Variants in EBF1 observed in about 807,000 individuals in gnomAD.
EBF1 encodes the protein transcription factor COE1.
EBF1 carries 10 observed loss-of-function variants against 68.4 expected under a neutral mutation model. The ratio of observed to expected loss-of-function variants is 0.15; its 90% confidence interval spans 0.09 to 0.25. EBF1 has a LOEUF of 0.25. Among genes scored for constraint, EBF1 ranks in the 10% least tolerant of loss-of-function variants. The pLI is 1.00. For synonymous variants in EBF1, 298 were observed against 299.8 expected, an observed-to-expected ratio of 0.99 and a Z score of 0.06; for missense variants, 509 against 794.4, an observed-to-expected ratio of 0.64 and a Z score of 4.32.
chr5:158,712,347 G>C lies in EBF1; in HGVS notation c.1370-14C>G. The C allele has an allele frequency of 6.2e-7, 1 of 1,612,232 alleles. No individual in the cohort carries two copies. Among genetic ancestry groups the C allele is most frequent in the Non-Finnish European group, 8.5e-7 (1 of 1,178,924 alleles). On this transcript the variant is annotated splice_polypyrimidine_tract_variant and intron_variant, in intron 13 of 15. Coordinates refer to ENST00000313708, the MANE Select transcript of EBF1 (RefSeq NM_024007.5). ...TGCGGGTGAAACCTGAGGGGCGGGG[G>C]CAAAACCGGAGGTGAGGGTGGCATT...
chr5:159,011,453 C>T (rs752485121), intron 6 of EBF1, among the ~76,000 whole-genome samples: 22 of 152,212 alleles, frequency 1.4e-4, no homozygotes, highest in Non-Finnish European at 2.6e-4. Context: ...AGGACCTTCC[C>T]AGCCCTGCTG....
At chr5:159,022,178 C>T (rs954795365) in intron 6 of EBF1, among the ~76,000 whole-genome samples, 2 of 151,686 alleles carry the variant, frequency 1.3e-5, no homozygotes, top group Non-Finnish European at 2.9e-5. Flanking sequence ...TGCTTCAAAA[C>T]TTGTTAGCAG....
At chr5:158,851,861 GA>G (rs1356310053) in intron 6 of EBF1, among the ~76,000 whole-genome samples, 1 of 75,998 alleles carries the variant, frequency 1.3e-5, no homozygotes, top group Non-Finnish European at 2.6e-5. Flanking sequence ...AAAAGGAGAA[GA>G]GGGGAGGTGA....
chr5:158,944,847 G>A (rs1201634607), intron 6 of EBF1, among the ~76,000 whole-genome samples: 2 of 152,160 alleles, frequency 1.3e-5, no homozygotes, highest in African/African-American at 4.8e-5. Context: ...TCATATGTTT[G>A]TTGGCCACAT....
chr5:158,851,063 T>C (rs1792540704), intron 6 of EBF1, among the ~76,000 whole-genome samples: 1 of 151,592 alleles, frequency 6.6e-6, no homozygotes, highest in African/African-American at 2.4e-5. Flanking sequence ...TCCTCTCTTA[T>C]CCCAGCACAA....
chr5:158,870,198 T>C lies in EBF1; in HGVS notation c.555-30088A>G, dbSNP rs1458173047. ...GTTATTAAAAATACACTGTTCATAA[T>C]TGAGGTGATGTGAACATTCTGCTCC... On this transcript the variant is annotated intron_variant, in intron 6 of 15. Coordinates refer to ENST00000313708, the MANE Select transcript of EBF1 (RefSeq NM_024007.5). 2.6e-5 allele frequency among the ~76,000 whole-genome samples: 4 copies of C among 152,306 alleles called. No homozygotes were observed. In the East Asian group the frequency reaches 7.7e-4, roughly 29 times the overall value.
rs368257785 is a variant in EBF1 at position 158,900,022 on chromosome 5, G to A, written c.555-59912C>T. On this transcript the variant is annotated intron_variant, in intron 6 of 15. Coordinates refer to ENST00000313708, the MANE Select transcript of EBF1 (RefSeq NM_024007.5). ...CAAGAGGCTTCCAGCAGCAGCATCT[G>A]GCCCTCTGGCAGATGGTCAGGCCCT... Among the ~76,000 whole-genome samples the A allele has an allele frequency of 2.0e-5, 3 of 152,260 alleles. No homozygotes were observed. The East Asian group carries it at 5.8e-4, about 30-fold the overall frequency.
intron 6 of EBF1, among the ~76,000 whole-genome samples, chr5:159,008,679 C>A (rs1477963037): frequency 6.6e-6 from 1 of 152,004 alleles, no homozygotes. Context: ...GTATGCACCA[C>A]CACGCCCGGC....
chr5:158,907,902 G>A (rs558598663), intron 6 of EBF1, among the ~76,000 whole-genome samples: 7 of 151,964 alleles, frequency 4.6e-5, no homozygotes, highest in South Asian at 2.1e-4. Context: ...AACTGCTCCC[G>A]ACACCACTAC....
At chr5:158,967,098 A>T (rs1754329075) in intron 6 of EBF1, among the ~76,000 whole-genome samples, 2 of 151,390 alleles carry the variant, frequency 1.3e-5, no homozygotes, top group Non-Finnish European at 2.9e-5. Flanking sequence ...GATTTGGGGG[A>T]ATGTACTTAT....
At chr5:158,755,363 C>T (rs1769842763) in intron 10 of EBF1, among the ~76,000 whole-genome samples, 1 of 152,054 alleles carries the variant, frequency 6.6e-6, no homozygotes, top group South Asian at 2.1e-4. Flanking sequence ...TAGCCATTTA[C>T]CCAGATTTCT....
At chr5:159,065,000 T>C (rs1036201686) in intron 6 of EBF1, among the ~76,000 whole-genome samples, 1 of 142,736 alleles carries the variant, frequency 7.0e-6, no homozygotes, top group Non-Finnish European at 1.5e-5. Flanking sequence ...TGCAGGTCCA[T>C]AGTTCTTCAA....
intron 6 of EBF1, among the ~76,000 whole-genome samples, chr5:158,853,292 T>G (rs1335998381): frequency 2.3e-4 from 35 of 152,184 alleles, no homozygotes; most frequent in Non-Finnish European, 4.4e-5. Flanking sequence ...AGTCAGAGTA[T>G]CATAACCCCC....
chr5:159,056,971 TAGTATGAAC>T (rs1774872554), intron 6 of EBF1, among the ~76,000 whole-genome samples: 1 of 152,172 alleles, frequency 6.6e-6, no homozygotes, highest in African/African-American at 2.4e-5. Context: ...TTATATGACA[TAGTATGAAC>T]AAGCACAGTT....
chr5:158,869,243 G>A (rs1310446877), intron 6 of EBF1, among the ~76,000 whole-genome samples: 1 of 152,174 alleles, frequency 6.6e-6, no homozygotes, highest in Non-Finnish European at 1.5e-5. Flanking sequence ...GCTGAAAAGT[G>A]CTTTTCCCAG....
At chr5:158,989,789 C>T (rs1759891921) in intron 6 of EBF1, among the ~76,000 whole-genome samples, 1 of 152,172 alleles carries the variant, frequency 6.6e-6, no homozygotes, top group Non-Finnish European at 1.5e-5. Context: ...AACAGCATGT[C>T]TGACATGCTA....
intron 6 of EBF1, among the ~76,000 whole-genome samples, chr5:158,870,735 C>A (rs1214019618): frequency 6.6e-6 from 1 of 152,160 alleles, no homozygotes; most frequent in Non-Finnish European, 1.5e-5. Flanking sequence ...AGCCCACAAC[C>A]ACATAGCAAG....
At chr5:158,960,186 A>G (rs1817895486) in intron 6 of EBF1, among the ~76,000 whole-genome samples, 1 of 152,230 alleles carries the variant, frequency 6.6e-6, no homozygotes, top group Admixed American at 6.5e-5. Flanking sequence ...CTATAGTCAT[A>G]TTGTAAGTAT....
At chr5:159,011,259 A>G (rs1020366289) in intron 6 of EBF1, among the ~76,000 whole-genome samples, 1 of 152,244 alleles carries the variant, frequency 6.6e-6, no homozygotes, top group Non-Finnish European at 1.5e-5. Context: ...AAAATGGTCT[A>G]ACACTGATTG....
Sources: gnomAD v4.1 joint callset for allele counts (sites outside exome capture counted in the v4.1 genomes callset) on GRCh38, gnomAD v4.1.1 for gene constraint, MANE v1.5 for transcripts, NCBI Gene and HGNC (gene_info 2026-07-23, HGNC 2026-07-21) for gene names.